SLC35D1: variants seen among roughly 807,000 people sequenced by gnomAD.
SLC35D1 encodes nucleotide sugar transporter SLC35D1.
In SLC35D1, 31 loss-of-function variants were observed where a neutral mutation model predicts 46.7. The ratio of observed to expected loss-of-function variants is 0.66; its 90% confidence interval spans 0.50 to 0.90. SLC35D1 has a LOEUF of 0.90. SLC35D1 is among the 40% of genes least tolerant of loss of function. SLC35D1 has a pLI of 0.00. For synonymous variants in SLC35D1, 195 were observed against 164.6 expected, an observed-to-expected ratio of 1.18 and a Z score of -1.41; for missense variants, 397 against 426.2, an observed-to-expected ratio of 0.93 and a Z score of 0.60.
rs752534309 is a variant in SLC35D1, at chr1:67,052,807, G to C, written c.288C>G (p.Val96=). The C allele has an allele frequency of 3.1e-6, 5 of 1,614,088 alleles. No individual in the cohort carries two copies. Among genetic ancestry groups the C allele is most frequent in the Non-Finnish European group, 4.2e-6 (5 of 1,180,024 alleles). The change falls in exon 3 of 12, where the codon GTC becomes GTG. Residue 96 remains valine, a synonymous_variant. Transcript: ENST00000235345. ...CATTTCTGTCAAGGTCAGGAAACTT[G>C]ACTACTCTGAGCGCCTTTCCCACCC... ...VLWVGKALRV[V]KFPDLDRNVP...
the SLC35D1 span, among the ~76,000 whole-genome samples, chr1:66,977,927 G>A: frequency 2.0e-5 from 3 of 151,786 alleles, no homozygotes; most frequent in African/African-American, 7.3e-5. Context: ...GGCCAGGTGC[G>A]GTGGCTCACT....
chr1:66,992,021 C>T, the SLC35D1 span, among the ~76,000 whole-genome samples: 2 of 152,204 alleles, frequency 1.3e-5, no homozygotes, highest in Admixed American at 1.3e-4. Context: ...AGAGTGCTGG[C>T]TAATGATCAG....
At chr1:66,986,514 G>A in the SLC35D1 span, 2 of 1,398,148 alleles carry the variant, frequency 1.4e-6, no homozygotes, top group Admixed American at 3.4e-5. Flanking sequence ...ACTGTCTGAT[G>A]TAATTGAGTG....
the SLC35D1 span, chr1:66,981,940 T>C: frequency 6.2e-7 from 1 of 1,611,494 alleles, no homozygotes; most frequent in South Asian, 1.1e-5. Flanking sequence ...GAGAAACATT[T>C]CTCTTTCTTC....
chr1:67,023,486 ATTT>A lies in SLC35D1; in HGVS notation c.730-1887_730-1885del, dbSNP rs35716426. ...GAAGTGTCTGTCTAAATCTTTTGCC[ATTT>A]TTTTTTTTTTTTTTGAGACAGAGTC... On this transcript the variant is annotated intron_variant, in intron 8 of 11. Transcript: ENST00000235345. Among the ~76,000 whole-genome samples, 325 of 131,852 alleles carry A rather than the reference ATTT, an allele frequency of 2.5e-3. 1 individual carries two copies. The highest frequency in any genetic ancestry group is 7.5e-3 in the East Asian group (34 of 4,530). 86.5% of individuals were successfully genotyped at this position (131,852 alleles called of 152,430 possible). A position where few individuals can be genotyped will look rare whatever the true frequency, so the allele number is the denominator to read the frequency against.
chr1:66,994,661 A>G (rs1020907655), downstream of SLC35D1, among the ~76,000 whole-genome samples: 2 of 148,944 alleles, frequency 1.3e-5, no homozygotes, highest in African/African-American at 5.0e-5. Context: ...AAAAAAAAAG[A>G]AAAAAAATCC....
In SLC35D1 at chr1:67,002,133, C is replaced by G. The variant is rs762082319; in HGVS notation, c.*2207G>C. ...TCCTTCATGTTGCTGACAGAAAGAA[C>G]AGAATCACTAAAAATAGCTCTCACT... On this transcript the variant is annotated 3_prime_UTR_variant, in exon 12 of 12. Coordinates refer to ENST00000235345, the MANE Select transcript of SLC35D1 (RefSeq NM_015139.3). 2.6e-5 allele frequency: 4 copies of G among 152,464 alleles called. No homozygotes were observed. Among genetic ancestry groups the G allele is most frequent in the African/African-American group, 9.6e-5 (4 of 41,572 alleles). The allele number at this position is 152,464 out of a possible 1,614,324, so 9.4% of individuals were successfully genotyped here.
chr1:67,054,041 G>C lies in SLC35D1; in HGVS notation c.-28C>G, dbSNP rs759867364. 2.5e-6 allele frequency: 4 copies of C among 1,601,756 alleles called. No individual in the cohort carries two copies. The highest frequency in any genetic ancestry group is 3.4e-6 in the Non-Finnish European group (4 of 1,173,850). ...CTGCCGCAGCAGCGGTGGCCTGGCG[G>C]CGGGGCCTAGCGGCTCGGGGGCCTG... On this transcript the variant is annotated 5_prime_UTR_variant, in exon 1 of 12. Transcript: ENST00000235345.
In SLC35D1 at chr1:67,053,831, C is replaced by T. The variant is rs1442949957; in HGVS notation, c.183G>A (p.Lys61=). The T allele has an allele frequency of 1.9e-6, 3 of 1,612,622 alleles. No individual in the cohort carries two copies. Among genetic ancestry groups the T allele is most frequent in the Non-Finnish European group, 2.5e-6 (3 of 1,179,244 alleles). The change falls in exon 1 of 12, where the codon AAG becomes AAA. Residue 61 remains lysine, a synonymous_variant. Coordinates refer to ENST00000235345, the MANE Select transcript of SLC35D1 (RefSeq NM_015139.3). ...CCTACCTGTAATTGGTGAGCACGCT[C>T]TTATTCACCACCACGATCAGGAAGG... ...VSSFLIVVVN[K]SVLTNYRFPS...
intron 8 of SLC35D1, among the ~76,000 whole-genome samples, chr1:67,037,165 GT>G (rs1668141157): frequency 6.6e-6 from 1 of 152,030 alleles, no homozygotes; most frequent in African/African-American, 2.4e-5. Flanking sequence ...AAAAGTTGTT[GT>G]AGGTATTATT....
chr1:67,035,166 A>C, intron 8 of SLC35D1, among the ~76,000 whole-genome samples: 1 of 151,806 alleles, frequency 6.6e-6, no homozygotes. Flanking sequence ...GTGTGTGTTT[A>C]ATGCATCTTT....
intron 8 of SLC35D1, among the ~76,000 whole-genome samples, chr1:67,027,998 C>G (rs926990929): frequency 6.6e-6 from 1 of 152,160 alleles, no homozygotes; most frequent in Non-Finnish European, 1.5e-5. Flanking sequence ...TCTCAAAATG[C>G]TGGGATTGCA....
chr1:66,997,284 G>A (rs1345473768), downstream of SLC35D1, among the ~76,000 whole-genome samples: 3 of 151,938 alleles, frequency 2.0e-5, no homozygotes, highest in African/African-American at 7.2e-5. Flanking sequence ...ACCCAGGCAG[G>A]CAGATTGCTT....
the SLC35D1 span, among the ~76,000 whole-genome samples, chr1:66,980,790 A>G: frequency 6.6e-6 from 1 of 151,968 alleles, no homozygotes; most frequent in East Asian, 1.9e-4. Context: ...GGGGAATTCT[A>G]GTGCAGTATC....
intron 7 of SLC35D1, 93 bp downstream of exon 7, chr1:67,047,172 C>T (rs887765874): frequency 1.1e-6 from 1 of 931,780 alleles, no homozygotes. Context: ...TTCTCATCCC[C>T]AGTAAGAACT....
chr1:67,024,419 G>A (rs1197894917), intron 8 of SLC35D1, among the ~76,000 whole-genome samples: 2 of 152,036 alleles, frequency 1.3e-5, no homozygotes, highest in East Asian at 3.8e-4. Flanking sequence ...TATGGTTTTA[G>A]CTTTTACAGT....
intron 10 of SLC35D1, among the ~76,000 whole-genome samples, chr1:67,020,134 A>G (rs1218853152): frequency 1.3e-5 from 2 of 152,194 alleles, no homozygotes; most frequent in African/African-American, 2.4e-5. Context: ...CTCTATTCAG[A>G]TAATACATTT....
chr1:66,997,557 A>T (rs1436065144), downstream of SLC35D1, among the ~76,000 whole-genome samples: 1 of 136,208 alleles, frequency 7.3e-6, no homozygotes, highest in East Asian at 2.1e-4. Flanking sequence ...AGATATAGAT[A>T]TATCTGTGTG....
In SLC35D1 at chr1:67,004,324, T is replaced by C. The variant is rs755063435; in HGVS notation, c.*16A>G. ...TAAAAACTTAGGCCTACGTATCAGATGAAGCAATCCTCTGGTCACACTGCT... is the reference window on the plus strand; with the variant it reads ...TAAAAACTTAGGCCTACGTATCAGACGAAGCAATCCTCTGGTCACACTGCT... On this transcript the variant is annotated 3_prime_UTR_variant, in exon 12 of 12. Coordinates refer to ENST00000235345, the MANE Select transcript of SLC35D1 (RefSeq NM_015139.3). 24 of 1,606,748 alleles carry C rather than the reference T, an allele frequency of 1.5e-5. 1 individual carries two copies. The South Asian group carries it at 1.9e-4, about 13-fold the overall frequency.
Sources: gnomAD v4.1 joint callset for allele counts (sites outside exome capture counted in the v4.1 genomes callset) on GRCh38, gnomAD v4.1.1 for gene constraint, MANE v1.5 for transcripts, NCBI Gene and HGNC (gene_info 2026-07-23, HGNC 2026-07-21) for gene names.